Variants in TENM3 observed in about 807,000 individuals in gnomAD.
The protein encoded by TENM3 is teneurin-3.
TENM3 carries 63 observed loss-of-function variants against 255.1 expected under a neutral mutation model. The observed-to-expected ratio is 0.25, with a 90% CI of 0.20 to 0.30. The LOEUF is 0.30. Ranked by LOEUF, TENM3 falls within the 10% of genes least tolerant of loss-of-function variation. The pLI is 1.00. For synonymous variants in TENM3, 1,306 were observed against 1,322.3 expected, an observed-to-expected ratio of 0.99 and a Z score of 0.27; for missense variants, 2,929 against 3,461.1, an observed-to-expected ratio of 0.85 and a Z score of 3.86.
the TENM3 span, among the ~76,000 whole-genome samples, chr4:181,697,996 T>C: frequency 0.74 from 112,119 of 151,694 alleles, 41,844 homozygotes; most frequent in Admixed American, 0.84. Context: ...GGGCGGATCA[T>C]GAGGTCAGGA....
chr4:181,685,651 C>T, the TENM3 span, among the ~76,000 whole-genome samples: 5 of 152,214 alleles, frequency 3.3e-5, no homozygotes, highest in South Asian at 6.2e-4. Flanking sequence ...CTGAATCATA[C>T]CTAAAGAGCA....
At chr4:181,512,413 A>G in the TENM3 span, among the ~76,000 whole-genome samples, 2 of 152,188 alleles carry the variant, frequency 1.3e-5, no homozygotes, top group African/African-American at 4.8e-5. Flanking sequence ...TAGTAAGAAA[A>G]TGCCATGGAA....
intron 1 of TENM3, among the ~76,000 whole-genome samples, chr4:182,184,503 T>G (rs1235110485): frequency 2.0e-5 from 3 of 151,792 alleles, no homozygotes; most frequent in Admixed American, 6.6e-5. Flanking sequence ...GTTTTTTTTT[T>G]TTTTTTTTTT....
the TENM3 span, among the ~76,000 whole-genome samples, chr4:181,878,682 T>G: frequency 3.9e-4 from 59 of 152,252 alleles, no homozygotes; most frequent in Non-Finnish European, 6.5e-4. Flanking sequence ...TCTATCTATA[T>G]ATAATCCTTC....
At chr4:181,765,651 C>T in the TENM3 span, among the ~76,000 whole-genome samples, 1 of 152,094 alleles carries the variant, frequency 6.6e-6, no homozygotes, top group Non-Finnish European at 1.5e-5. Flanking sequence ...TGCTAAGCTT[C>T]CCTTCGGTCA....
chr4:182,680,393 G>T, intron 9 of TENM3, 44 bp downstream of exon 9: 1 of 1,400,964 alleles, frequency 7.1e-7, no homozygotes, highest in Non-Finnish European at 1.0e-6. Context: ...TAAATAAGCT[G>T]TAGAAACACA....
chr4:182,138,667 T>C, the TENM3 span, among the ~76,000 whole-genome samples: 1 of 152,202 alleles, frequency 6.6e-6, no homozygotes, highest in East Asian at 1.9e-4. Context: ...GTTTTATAAA[T>C]AATGTCATAT....
the TENM3 span, among the ~76,000 whole-genome samples, chr4:181,450,622 A>G: frequency 6.6e-6 from 1 of 152,170 alleles, no homozygotes; most frequent in Non-Finnish European, 1.5e-5. Context: ...ACTTGTTCAG[A>G]TGACACCAGT....
Position 182,743,256 on chromosome 4 carries a change from C to T in TENM3, c.3466C>T (p.Arg1156Cys), listed in dbSNP as rs1185466419. 3.1e-6 allele frequency: 5 copies of T among 1,614,016 alleles called. No homozygotes were observed. The highest frequency in any genetic ancestry group is 2.5e-6 in the Non-Finnish European group (3 of 1,179,890). ...VSSIMGNGRR[R>C]SISCPSCNGQ... ...TAGCATCATGGGCAATGGGCGAAGG[C>T]GCAGCATTTCCTGCCCCAGTTGCAA... The change falls in exon 19 of 28, where the codon CGC (arginine) becomes TGC (cysteine). Residue 1156 changes from arginine to cysteine, a missense_variant. Coordinates refer to ENST00000511685, the MANE Select transcript of TENM3 (RefSeq NM_001080477.4).
At chr4:182,743,627 C>T (rs538542186) in intron 19 of TENM3, among the ~76,000 whole-genome samples, 1 of 152,288 alleles carries the variant, frequency 6.6e-6, no homozygotes, top group African/African-American at 2.4e-5. Flanking sequence ...AGCATAAAGT[C>T]ACCCAATATA....
the TENM3 span, among the ~76,000 whole-genome samples, chr4:181,495,902 T>TAAAAAAAAA: frequency 4.5e-4 from 53 of 116,814 alleles, no homozygotes; most frequent in Admixed American, 6.7e-4. Flanking sequence ...AGAGACAAAT[T>TAAAAAAAAA]AAAAAAAAAA....
intron 1 of TENM3, among the ~76,000 whole-genome samples, chr4:182,277,031 G>A (rs1019239698): frequency 5.2e-4 from 79 of 152,210 alleles, no homozygotes; most frequent in African/African-American, 1.6e-3. Context: ...TTTGGCAATG[G>A]CCTTTGATGT....
At chr4:181,473,559 T>A in the TENM3 span, among the ~76,000 whole-genome samples, 2 of 151,244 alleles carry the variant, frequency 1.3e-5, no homozygotes, top group Admixed American at 1.3e-4. Flanking sequence ...TCCCCTACAC[T>A]CCAGCCTGGG....
chr4:181,746,959 A>G, the TENM3 span, among the ~76,000 whole-genome samples: 1 of 152,088 alleles, frequency 6.6e-6, no homozygotes, highest in Non-Finnish European at 1.5e-5. Context: ...ATTCGCTATT[A>G]CAAACAGTGT....
chr4:181,815,152 C>T, the TENM3 span, among the ~76,000 whole-genome samples: 2 of 152,012 alleles, frequency 1.3e-5, no homozygotes, highest in Non-Finnish European at 2.9e-5. Context: ...CTATGGCAGT[C>T]TGTGAAAGTG....
chr4:182,385,415 C>T (rs1429580524), intron 3 of TENM3, among the ~76,000 whole-genome samples: 2 of 152,042 alleles, frequency 1.3e-5, no homozygotes, highest in Non-Finnish European at 2.9e-5. Flanking sequence ...TAGGCACCCA[C>T]AACCAAGCCC....
the TENM3 span, among the ~76,000 whole-genome samples, chr4:181,758,541 C>T: frequency 3.3e-5 from 5 of 152,098 alleles, no homozygotes; most frequent in South Asian, 2.1e-4. Context: ...TGAGGTTTTC[C>T]GAAGGGCTTA....
intron 1 of TENM3, among the ~76,000 whole-genome samples, chr4:182,194,363 A>G (rs779009193): frequency 6.6e-6 from 1 of 152,206 alleles, no homozygotes; most frequent in South Asian, 2.1e-4. Flanking sequence ...CGTGTTGCCA[A>G]ACCTTCGGTA....
At chr4:181,909,446 T>A in the TENM3 span, among the ~76,000 whole-genome samples, 157 of 152,216 alleles carry the variant, frequency 1.0e-3, no homozygotes, top group African/African-American at 3.6e-3. Context: ...CCTACTCAGC[T>A]CATCTAGCTC....
Sources: allele counts gnomAD v4.1 joint callset (sites outside exome capture counted in the v4.1 genomes callset), GRCh38; gene constraint gnomAD v4.1.1; transcripts MANE v1.5; gene names NCBI Gene and HGNC (gene_info 2026-07-23, HGNC 2026-07-21).